Variants in ACSBG1 observed in about 807,000 individuals in gnomAD.
ACSBG1 encodes long-chain-fatty-acid--CoA ligase ACSBG1.
A neutral mutation model predicts 80.2 loss-of-function variants in ACSBG1; 39 were observed. The ratio of observed to expected loss-of-function variants is 0.49; its 90% CI spans 0.38 to 0.64. ACSBG1 has a LOEUF of 0.64. Ranked by LOEUF, ACSBG1 falls within the 30% of genes least tolerant of loss-of-function variation. The pLI is 0.00. For synonymous variants in ACSBG1, 392 were observed against 379.5 expected, an observed-to-expected ratio of 1.03 and a Z score of -0.38; for missense variants, 828 against 966.4, an observed-to-expected ratio of 0.86 and a Z score of 1.90.
chr15:78,171,613 C>T (rs1210657435), intron 13 of ACSBG1, 84 bp from the exon 14 acceptor site: 1 of 1,112,566 alleles, frequency 9.0e-7, no homozygotes, highest in Admixed American at 1.9e-5. Context: ...ACACTCAGTC[C>T]TATATATAAC....
chr15:78,208,219 G>GTCTCCTGC, intron 1 of ACSBG1, 117 bp from the exon 2 acceptor site: 1 of 739,474 alleles, frequency 1.4e-6, no homozygotes, highest in Non-Finnish European at 2.3e-6. Context: ...TGGCACCTCT[G>GTCTCCTGC]TCTCCTGCAA....
At chr15:78,227,777 G>A (rs1337787403) in intron 1 of ACSBG1, among the ~76,000 whole-genome samples, 2 of 152,190 alleles carry the variant, frequency 1.3e-5, no homozygotes, top group African/African-American at 4.8e-5. Context: ...TTGTAGTATA[G>A]CCACACAATG....
intron 5 of ACSBG1, among the ~76,000 whole-genome samples, chr15:78,191,515 C>T (rs922818020): frequency 8.5e-5 from 13 of 152,206 alleles, no homozygotes; most frequent in African/African-American, 2.7e-4. Context: ...TCTATCACAC[C>T]TACTCTGTAC....
chr15:78,185,058 AG>A (rs2074986872), intron 5 of ACSBG1, among the ~76,000 whole-genome samples: 1 of 126,176 alleles, frequency 7.9e-6, no homozygotes, highest in African/African-American at 3.0e-5. Flanking sequence ...GGAGGGAGAG[AG>A]AGAGAGAGAG....
chr15:78,232,543 T>TGAGCCCCACTTGGCCCC (rs1361734379), intron 1 of ACSBG1, among the ~76,000 whole-genome samples: 1 of 152,192 alleles, frequency 6.6e-6, no homozygotes, highest in African/African-American at 2.4e-5. Context: ...CCTGTGGCCC[T>TGAGCCCCACTTGGCCCC]GAGCCCCACT....
At chr15:78,199,308 C>G (rs550357040) in intron 2 of ACSBG1, among the ~76,000 whole-genome samples, 1 of 152,028 alleles carries the variant, frequency 6.6e-6, no homozygotes, top group South Asian at 2.1e-4. Context: ...TGGTATCGAA[C>G]TCCTGAGTTC....
chr15:78,208,026 T>A lies in ACSBG1; in HGVS notation c.208A>T (p.Asn70Tyr). 1 of 1,613,922 alleles carries A rather than the reference T, an allele frequency of 6.2e-7. No individual in the cohort carries two copies. The highest frequency in any genetic ancestry group is 8.5e-7 in the Non-Finnish European group (1 of 1,179,954). The change falls in exon 2 of 14, where the codon AAT becomes TAT. Residue 70 changes from asparagine to tyrosine, a missense_variant. Around this residue, in one of 3 missense-constraint regions of ACSBG1, gnomAD observed 356 missense variants for 363.5 expected, o/e 0.98. Coordinates refer to ENST00000258873, the MANE Select transcript of ACSBG1 (RefSeq NM_015162.5). ...CCTGGAGCATCCCACTGGGCATTAT[T>A]CACCTTCTCTGGCACTGAGAGCTCG... is the stretch of plus-strand genomic sequence containing the variant. ...ALELSVPEKV[N>Y]NAQWDAPEEA...
rs1360649487 is a variant in ACSBG1 at position 78,168,567 on chromosome 15, T to C, written c.*2877A>G. 1 of 163,640 alleles carries C rather than the reference T, an allele frequency of 6.1e-6. No individual in the cohort carries two copies. Among genetic ancestry groups the C allele is most frequent in the African/African-American group, 2.4e-5 (1 of 41,956 alleles). 10.1% of individuals were successfully genotyped at this position (163,640 alleles called of 1,614,324 possible). ...TCCTGAGACATATTTCCCAAGGATT[T>C]TTATGAAACTTCTTATTTAGATTCG... On this transcript the variant is annotated 3_prime_UTR_variant, in exon 14 of 14. Coordinates refer to ENST00000258873, the MANE Select transcript of ACSBG1 (RefSeq NM_015162.5).
intron 3 of ACSBG1, 34 bp downstream of exon 3, chr15:78,194,472 A>AG: frequency 1.3e-6 from 2 of 1,599,778 alleles, no homozygotes; most frequent in Non-Finnish European, 1.7e-6. Flanking sequence ...ACATCTGGGG[A>AG]GGGGCAAGGC....
At chr15:78,225,813 A>C (rs938322107) in intron 1 of ACSBG1, among the ~76,000 whole-genome samples, 1 of 152,242 alleles carries the variant, frequency 6.6e-6, no homozygotes, top group Non-Finnish European at 1.5e-5. Flanking sequence ...TCTATGGGTT[A>C]GGAATCTAGG....
At chr15:78,190,871 T>C (rs949344895) in intron 5 of ACSBG1, among the ~76,000 whole-genome samples, 1 of 148,656 alleles carries the variant, frequency 6.7e-6, no homozygotes, top group Non-Finnish European at 1.5e-5. Flanking sequence ...GAAAACAAGA[T>C]AAAAAAGACA....
intron 2 of ACSBG1, among the ~76,000 whole-genome samples, chr15:78,198,760 A>C (rs921801290): frequency 2.6e-5 from 4 of 152,226 alleles, no homozygotes; most frequent in African/African-American, 9.6e-5. Flanking sequence ...ATATTCATAC[A>C]AGGACTTAGG....
chr15:78,217,569 T>A lies in ACSBG1; in HGVS notation c.132-9467A>T, dbSNP rs989685262. 3.1e-4 allele frequency among the ~76,000 whole-genome samples: 44 copies of A among 140,396 alleles called. No individual in the cohort carries two copies. The East Asian group carries it at 7.4e-3, about 23-fold the overall frequency. The allele number at this position is 140,396 out of a possible 152,430, so 92.1% of individuals were successfully genotyped here. On this transcript the variant is annotated intron_variant, in intron 1 of 13. Transcript: ENST00000258873. ...ATCATCAGACCCTTTTGGAAAAATT[T>A]TTTTTTTTTTTTTTGAGATGGAGTC... is the stretch of plus-strand genomic sequence containing the variant.
rs145795248 is a variant in ACSBG1, at chr15:78,208,051, G to A, written c.183C>T (p.Leu61=). Residue 61 remains leucine (L), a synonymous_variant, in exon 2 of 14, where the codon CTC becomes CTT. Coordinates refer to ENST00000258873, the MANE Select transcript of ACSBG1 (RefSeq NM_015162.5). ...PLSKESLNHA[L]ELSVPEKVNN... is the part of the protein sequence containing the mutation. ...TCACCTTCTCTGGCACTGAGAGCTCGAGAGCATGGTTCAGGGACTCTTTGG... is the reference window on the plus strand; with the variant it reads ...TCACCTTCTCTGGCACTGAGAGCTCAAGAGCATGGTTCAGGGACTCTTTGG... 2.1e-4 allele frequency: 342 copies of A among 1,614,010 alleles called. No homozygotes were observed. The highest frequency in any genetic ancestry group is 2.7e-4 in the Non-Finnish European group (315 of 1,179,996).
At chr15:78,186,288 A>C (rs1458442567) in intron 5 of ACSBG1, among the ~76,000 whole-genome samples, 2 of 152,186 alleles carry the variant, frequency 1.3e-5, no homozygotes, top group South Asian at 4.1e-4. Context: ...TAACAAGGAT[A>C]CCCAGGAATT....
chr15:78,203,451 T>G (rs1419434941), intron 2 of ACSBG1, among the ~76,000 whole-genome samples: 1 of 152,206 alleles, frequency 6.6e-6, no homozygotes, highest in Non-Finnish European at 1.5e-5. Context: ...GCCCACCAAG[T>G]GCCAAGTCAG....
intron 1 of ACSBG1, among the ~76,000 whole-genome samples, chr15:78,224,868 A>C (rs2075387564): frequency 6.6e-6 from 1 of 152,226 alleles, no homozygotes; most frequent in Admixed American, 6.5e-5. Context: ...TCAACATTAC[A>C]TTTGGAGATC....
chr15:78,229,914 C>A (rs1316016444), intron 1 of ACSBG1, among the ~76,000 whole-genome samples: 1 of 152,186 alleles, frequency 6.6e-6, no homozygotes, highest in Non-Finnish European at 1.5e-5. Context: ...CCCAACCTGA[C>A]CAGTCTCATG....
chr15:78,199,584 C>T (rs184905382), intron 2 of ACSBG1, among the ~76,000 whole-genome samples: 15 of 151,786 alleles, frequency 9.9e-5, no homozygotes, highest in South Asian at 2.1e-4. Context: ...TGTAAAGTAA[C>T]GCATATGCTA....
Sources: allele counts gnomAD v4.1 joint callset (sites outside exome capture counted in the v4.1 genomes callset), GRCh38; gene constraint gnomAD v4.1.1; regional missense constraint gnomAD v4.1.1; transcripts MANE v1.5; gene names NCBI Gene and HGNC (gene_info 2026-07-23, HGNC 2026-07-21).